Variants in ALK observed in about 807,000 individuals in gnomAD.
ALK encodes the protein ALK tyrosine kinase receptor.
Under a neutral mutation model 163.1 loss-of-function variants are expected in ALK, and 74 were observed. That is an observed-to-expected ratio of 0.45 (90% CI 0.38 to 0.55). ALK has a LOEUF of 0.55. ALK is among the 20% of genes least tolerant of loss of function. The pLI, the probability that ALK is intolerant of heterozygous loss-of-function variation, is 0.00. For missense variants in ALK, 2,063 were observed against 2,105.3 expected (o/e 0.98, Z 0.39); for synonymous variants, 960 against 843.2 (o/e 1.14, Z -2.40).
intron 3 of ALK, among the ~76,000 whole-genome samples, chr2:29,653,476 C>T (rs1051996136): frequency 3.3e-5 from 5 of 152,030 alleles, no homozygotes; most frequent in South Asian, 4.2e-4. Context: ...GATCGTCTTC[C>T]GTTGAAATCA....
chr2:29,473,075 A>T (rs1018340366), intron 4 of ALK, among the ~76,000 whole-genome samples: 1 of 152,256 alleles, frequency 6.6e-6, no homozygotes, highest in Admixed American at 6.5e-5. Context: ...ATCTTGAAGA[A>T]CAAAGTTGGA....
chr2:29,752,495 A>G (rs1273259709), intron 1 of ALK, among the ~76,000 whole-genome samples: 1 of 150,846 alleles, frequency 6.6e-6, no homozygotes, highest in Non-Finnish European at 1.5e-5. Context: ...GACTACAGGC[A>G]CGCGCCACCA....
chr2:29,491,691 G>GA, intron 4 of ALK, among the ~76,000 whole-genome samples: 1 of 152,194 alleles, frequency 6.6e-6, no homozygotes, highest in East Asian at 1.9e-4. Context: ...GCTTGTTAAT[G>GA]AAACAGGTTG....
chr2:29,853,733 G>T lies in ALK; in HGVS notation c.667+66260C>A, dbSNP rs1285913622. On this transcript the variant is annotated intron_variant, in intron 1 of 28. Transcript: ENST00000389048. ...CTCAGATGGCCCAGGAGACTTTGCAGGGTCAGCCCTTGCTGGGCTCCCCAG... is the reference window on the plus strand; with the variant it reads ...CTCAGATGGCCCAGGAGACTTTGCATGGTCAGCCCTTGCTGGGCTCCCCAG... Among the ~76,000 whole-genome samples, 2 of 152,032 alleles carry T rather than the reference G, an allele frequency of 1.3e-5. 1 individual carries two copies.
intron 3 of ALK, among the ~76,000 whole-genome samples, chr2:29,609,746 C>G (rs573355361): frequency 4.6e-4 from 70 of 152,004 alleles, no homozygotes; most frequent in African/African-American, 1.7e-3. Flanking sequence ...TGGGCTCAAG[C>G]AATTCTCCCA....
intron 1 of ALK, among the ~76,000 whole-genome samples, chr2:29,720,171 CTT>C (rs1441793680): frequency 1.3e-5 from 2 of 151,618 alleles, no homozygotes; most frequent in Non-Finnish European, 2.9e-5. Flanking sequence ...TGGCAGATAA[CTT>C]TAATATGAAT....
intron 3 of ALK, among the ~76,000 whole-genome samples, chr2:29,622,551 T>C (rs2339556): frequency 0.79 from 119,876 of 152,054 alleles, 47,750 homozygotes; most frequent in African/African-American, 0.9. Flanking sequence ...AGATACAATT[T>C]AAGTTGAGAT....
chr2:29,654,514 T>C (rs1677124134), intron 3 of ALK, among the ~76,000 whole-genome samples: 1 of 152,154 alleles, frequency 6.6e-6, no homozygotes, highest in African/African-American at 2.4e-5. Flanking sequence ...GTCATACAGT[T>C]TGTGGGTAGG....
intron 1 of ALK, among the ~76,000 whole-genome samples, chr2:29,791,066 T>C (rs889012809): frequency 6.6e-6 from 1 of 152,190 alleles, no homozygotes; most frequent in Non-Finnish European, 1.5e-5. Context: ...TTCTATTAGA[T>C]AACATGTGAA....
At chr2:29,823,153 C>A (rs993536916) in intron 1 of ALK, among the ~76,000 whole-genome samples, 1 of 152,124 alleles carries the variant, frequency 6.6e-6, no homozygotes, top group African/African-American at 2.4e-5. Flanking sequence ...TGCACAAATT[C>A]TTTTTTTGCC....
intron 9 of ALK, among the ~76,000 whole-genome samples, chr2:29,287,960 G>A (rs1665903662): frequency 6.6e-6 from 1 of 151,962 alleles, no homozygotes; most frequent in African/African-American, 2.4e-5. Context: ...ACTTCAGGTA[G>A]TGTCACCCCC....
chr2:29,834,073 A>G (rs993076789), intron 1 of ALK, among the ~76,000 whole-genome samples: 3 of 152,248 alleles, frequency 2.0e-5, no homozygotes, highest in East Asian at 1.9e-4. Flanking sequence ...GCAAAGGTAT[A>G]TAAAATATTA....
At chr2:29,790,772 T>A (rs1271320015) in intron 1 of ALK, among the ~76,000 whole-genome samples, 2 of 152,166 alleles carry the variant, frequency 1.3e-5, no homozygotes, top group African/African-American at 4.8e-5. Context: ...TTAGCAGAGA[T>A]GAGGTTTCAC....
At chr2:29,595,916 C>T (rs1675201645) in intron 3 of ALK, among the ~76,000 whole-genome samples, 2 of 152,168 alleles carry the variant, frequency 1.3e-5, no homozygotes, top group Admixed American at 6.5e-5. Flanking sequence ...TAGGAATGAA[C>T]TCTGGACGAA....
intron 3 of ALK, among the ~76,000 whole-genome samples, chr2:29,663,265 A>G (rs1677406613): frequency 6.6e-6 from 1 of 152,192 alleles, no homozygotes; most frequent in African/African-American, 2.4e-5. Flanking sequence ...CACTGAAAAA[A>G]GTTTAAGTAA....
intron 1 of ALK, among the ~76,000 whole-genome samples, chr2:29,894,220 C>T (rs1271803296): frequency 6.6e-6 from 1 of 152,134 alleles, no homozygotes; most frequent in Admixed American, 6.5e-5. Context: ...CAGTGCCTGG[C>T]TCATGGTAGC....
chr2:29,308,910 T>TC (rs1666619160), intron 8 of ALK, among the ~76,000 whole-genome samples: 2 of 151,810 alleles, frequency 1.3e-5, no homozygotes, highest in African/African-American at 2.4e-5. Context: ...TTTTTTTTTT[T>TC]GTTGCTGTTT....
At chr2:29,482,080 A>G (rs1297633643) in intron 4 of ALK, among the ~76,000 whole-genome samples, 3 of 152,184 alleles carry the variant, frequency 2.0e-5, no homozygotes, top group African/African-American at 7.2e-5. Flanking sequence ...GCAAACCTGT[A>G]GTATATCCCT....
At chr2:29,662,603 T>G (rs955992436) in intron 3 of ALK, among the ~76,000 whole-genome samples, 31 of 152,202 alleles carry the variant, frequency 2.0e-4, no homozygotes, top group Non-Finnish European at 5.9e-5. Flanking sequence ...TCATTAGGGG[T>G]GCTGGCTCCT....
Sources: gnomAD v4.1 joint callset for allele counts (sites outside exome capture counted in the v4.1 genomes callset) on GRCh38, gnomAD v4.1.1 for gene constraint, MANE v1.5 for transcripts, NCBI Gene and HGNC (gene_info 2026-07-23, HGNC 2026-07-21) for gene names.